The following STAMBP variants were observed in gnomAD, a reference collection of about 807,000 sequenced individuals.
The protein encoded by STAMBP is STAM binding protein.
STAMBP carries 31 observed loss-of-function variants against 50.7 expected under a neutral mutation model. The ratio of observed to expected loss-of-function variants is 0.61; its 90% confidence interval spans 0.46 to 0.83. STAMBP has a LOEUF of 0.83. Among genes scored for constraint, STAMBP ranks in the 40% least tolerant of loss-of-function variants. STAMBP has a pLI of 0.00. For missense variants in STAMBP, 472 were observed against 518.9 expected (o/e 0.91, Z 0.88); for synonymous variants, 211 against 192.4 (o/e 1.10, Z -0.80).
chr2:73,858,079 T>A (rs1186031987), intron 7 of STAMBP, among the ~76,000 whole-genome samples: 1 of 151,382 alleles, frequency 6.6e-6, no homozygotes, highest in Non-Finnish European at 1.5e-5. Context: ...ACCTCCCGGG[T>A]TCATGCTCTT....
downstream of STAMBP, among the ~76,000 whole-genome samples, chr2:73,872,164 C>A (rs1267140436): frequency 6.6e-6 from 1 of 152,158 alleles, no homozygotes; most frequent in Non-Finnish European, 1.5e-5. Flanking sequence ...CATCCTTGAA[C>A]CAATCACTCT....
At position 73,851,234 on chromosome 2, in the gene STAMBP, T is replaced by C. The variant is rs537282765; in HGVS notation, c.1005+721T>C. On this transcript the variant is annotated intron_variant, in intron 7 of 9. Coordinates refer to ENST00000394070, the MANE Select transcript of STAMBP (RefSeq NM_213622.4). ...CCCATGTGCCTTCTGTCCTTTCTTC[T>C]ATTCAATTACATTCATGTTGATGAT... 3.8e-4 allele frequency among the ~76,000 whole-genome samples: 58 copies of C among 152,368 alleles called. 1 individual carries two copies. Among genetic ancestry groups the C allele is most frequent in the Non-Finnish European group, 7.5e-4 (51 of 68,034 alleles).
intron 7 of STAMBP, among the ~76,000 whole-genome samples, chr2:73,855,089 T>C (rs931505054): frequency 3.9e-5 from 6 of 152,212 alleles, no homozygotes; most frequent in African/African-American, 1.4e-4. Flanking sequence ...TTCTTAACCT[T>C]GTCAACTATG....
At chr2:73,867,860 T>C (rs1377279327), downstream of STAMBP, among the ~76,000 whole-genome samples, 1 of 151,950 alleles carries the variant, frequency 6.6e-6, no homozygotes, top group Non-Finnish European at 1.5e-5. Context: ...TGCGGTGGCT[T>C]ACGCCTGTAA....
At chr2:73,844,390 A>G (rs1675810005) in intron 2 of STAMBP, among the ~76,000 whole-genome samples, 1 of 152,218 alleles carries the variant, frequency 6.6e-6, no homozygotes, top group Admixed American at 6.5e-5. Flanking sequence ...AGCTAGAAGG[A>G]GTAAGGAAAC....
chr2:73,850,789 T>C lies in STAMBP; in HGVS notation c.1005+276T>C, dbSNP rs1013739997. On this transcript the variant is annotated intron_variant, in intron 7 of 9. Transcript: ENST00000394070. This position sits in a 1 kb window ranked among gnomAD's most constrained non-coding sequence, Gnocchi z 4.3. ...GTTTCCCTCTGAGTGTAACTGGTGA[T>C]GGGATGCTGGCCTAGAATATAAGTG... Among the ~76,000 whole-genome samples the C allele has an allele frequency of 5.9e-5, 9 of 152,332 alleles. No homozygotes were observed. Among genetic ancestry groups the C allele is most frequent in the South Asian group, 4.1e-4 (2 of 4,832 alleles).
chr2:73,838,755 G>A (rs942569811), intron 2 of STAMBP, among the ~76,000 whole-genome samples: 2 of 152,154 alleles, frequency 1.3e-5, no homozygotes, highest in Admixed American at 6.5e-5. Context: ...GAGTTGGTGC[G>A]GATGAGATTT....
intron 8 of STAMBP, among the ~76,000 whole-genome samples, chr2:73,859,703 AT>A (rs1678060645): frequency 7.3e-6 from 1 of 137,518 alleles, no homozygotes; most frequent in Non-Finnish European, 1.5e-5. Context: ...AAAATAAAAA[AT>A]AAAAAAATAT....
intron 2 of STAMBP, among the ~76,000 whole-genome samples, chr2:73,834,230 A>C (rs1326397235): frequency 5.1e-5 from 1 of 19,438 alleles, no homozygotes; most frequent in Non-Finnish European, 9.1e-5. Flanking sequence ...AAAAAAAAAA[A>C]AAAAAAATAT....
At chr2:73,848,721 AC>A (rs1558578695) in intron 5 of STAMBP, among the ~76,000 whole-genome samples, 1 of 152,132 alleles carries the variant, frequency 6.6e-6, no homozygotes, top group Non-Finnish European at 1.5e-5. Flanking sequence ...TAAAGATCCT[AC>A]CTCTCAATAA....
chr2:73,830,873 A>G lies in STAMBP; in HGVS notation c.17A>G (p.Asp6Gly). The change falls in exon 2 of 10, where the codon GAT becomes GGT. Residue 6 changes from aspartate (D) to glycine (G), a missense_variant. By Grantham distance (94) the Asp-to-Gly change is moderately conservative (BLOSUM62 -1). Coordinates refer to ENST00000394070, the MANE Select transcript of STAMBP (RefSeq NM_213622.4). Reference sequence around the variant, plus strand: ...TTGGTCCTGATGTCTGACCATGGAGATGTGAGCCTCCCGCCCGAAGACCGG... The same window carrying G: ...TTGGTCCTGATGTCTGACCATGGAGGTGTGAGCCTCCCGCCCGAAGACCGG... The part of the protein sequence containing the change: MSDHG[D>G]VSLPPEDRVR... 2.5e-6 allele frequency: 4 copies of G among 1,613,124 alleles called. No individual in the cohort carries two copies. Among genetic ancestry groups the G allele is most frequent in the Non-Finnish European group, 3.4e-6 (4 of 1,179,968 alleles).
intron 5 of STAMBP, 125 bp from the exon 6 acceptor site, chr2:73,849,238 C>G (rs1349692597): frequency 2.8e-6 from 4 of 1,420,288 alleles, no homozygotes; most frequent in African/African-American, 2.8e-5. Flanking sequence ...GAGATCCCTA[C>G]TCACTGCCTG....
downstream of STAMBP, among the ~76,000 whole-genome samples, chr2:73,871,129 T>C (rs930628851): frequency 6.6e-6 from 1 of 152,110 alleles, no homozygotes; most frequent in African/African-American, 2.4e-5. Context: ...TTTACACAAA[T>C]ATTTTGGTTC....
chr2:73,853,539 T>C (rs1677136721), intron 7 of STAMBP, among the ~76,000 whole-genome samples: 1 of 152,080 alleles, frequency 6.6e-6, no homozygotes, highest in South Asian at 2.1e-4. Flanking sequence ...CTGGCCAACA[T>C]AGTGAAACCC....
intron 2 of STAMBP, among the ~76,000 whole-genome samples, chr2:73,835,880 C>G (rs527627359): frequency 1.1e-4 from 17 of 152,084 alleles, no homozygotes; most frequent in African/African-American, 4.1e-4. Flanking sequence ...GTTGAATGTA[C>G]CAGTCTGAAC....
chr2:73,845,261 A>C lies in STAMBP; in HGVS notation c.374A>C (p.Lys125Thr), dbSNP rs1331580980. The part of the protein sequence containing the change: ...TKEYTEYNEE[K>T]KKEAEELARN... ...GAATATACAGAATATAATGAAGAAA[A>C]GGTCAGTATATAACAGCTAAGAAGA... Residue 125 changes from lysine (K) to threonine (T), a missense_variant and splice_region_variant, in exon 4 of 10, where the codon AAG becomes ACG. Transcript: ENST00000394070. 1.2e-6 allele frequency: 2 copies of C among 1,603,740 alleles called. No individual in the cohort carries two copies. Among genetic ancestry groups the C allele is most frequent in the African/African-American group, 2.7e-5 (2 of 74,720 alleles).
At chr2:73,849,903 T>G (rs1257428110) in intron 6 of STAMBP, among the ~76,000 whole-genome samples, 2 of 152,120 alleles carry the variant, frequency 1.3e-5, no homozygotes, top group Non-Finnish European at 2.9e-5. Context: ...GTATAAGTAT[T>G]GGGAATTTTG....
intron 7 of STAMBP, 88 bp from the exon 8 acceptor site, chr2:73,859,166 G>T (rs575359241): frequency 6.0e-6 from 6 of 1,001,598 alleles, no homozygotes; most frequent in Non-Finnish European, 9.6e-6. Context: ...GATATGGATA[G>T]CTTTAAACCT....
intron 4 of STAMBP, among the ~76,000 whole-genome samples, chr2:73,845,831 C>T (rs909714290): frequency 5.3e-5 from 8 of 152,170 alleles, no homozygotes; most frequent in Non-Finnish European, 7.4e-5. Flanking sequence ...GGGGTTTCAC[C>T]ATGTTGGCCA....
Sources: allele counts gnomAD v4.1 joint callset (sites outside exome capture counted in the v4.1 genomes callset), GRCh38; gene constraint gnomAD v4.1.1; non-coding constraint Gnocchi (gnomAD v3.1); transcripts MANE v1.5; gene names NCBI Gene and HGNC (gene_info 2026-07-23, HGNC 2026-07-21).